LRBA: variants seen among roughly 807,000 people sequenced by gnomAD.
LRBA encodes LPS responsive beige-like anchor protein, also known as lipopolysaccharide-responsive and beige-like anchor protein.
A neutral mutation model predicts 330.0 loss-of-function variants in LRBA; 176 were observed. The observed-to-expected ratio is 0.53, with a 90% CI of 0.47 to 0.60. The LOEUF is 0.60. Ranked by LOEUF, LRBA falls within the 20% of genes least tolerant of loss-of-function variation. LRBA has a pLI of 0.00. For synonymous variants in LRBA, 1,230 were observed against 1,193.0 expected, an observed-to-expected ratio of 1.03 and a Z score of -0.64; for missense variants, 3,259 against 3,444.8, an observed-to-expected ratio of 0.95 and a Z score of 1.35.
intron 44 of LRBA, among the ~76,000 whole-genome samples, chr4:150,437,506 T>A (rs1357069524): frequency 7.4e-6 from 1 of 135,054 alleles, no homozygotes; most frequent in Non-Finnish European, 1.7e-5. Context: ...TCTCTCTCTC[T>A]CTATATATAT....
Position 150,792,516 on chromosome 4 carries a change from T to C in LRBA, c.5580+5565A>G, listed in dbSNP as rs577228652. 5.3e-5 allele frequency among the ~76,000 whole-genome samples: 8 copies of C among 152,262 alleles called. No individual in the cohort carries two copies. In the East Asian group the frequency reaches 1.2e-3, roughly 22 times the overall value. On this transcript the variant is annotated intron_variant, in intron 34 of 56. Transcript: ENST00000651943. Reference sequence around the variant, plus strand: ...ATAAAGTTGACGTTTTTTATTTATTTATTTATTTTTGAGACAGGGTCTTCC... The same window carrying C: ...ATAAAGTTGACGTTTTTTATTTATTCATTTATTTTTGAGACAGGGTCTTCC...
chr4:150,276,063 T>A (rs1055550058), intron 56 of LRBA, among the ~76,000 whole-genome samples: 2 of 152,202 alleles, frequency 1.3e-5, no homozygotes, highest in African/African-American at 4.8e-5. Flanking sequence ...CAAAACAGCA[T>A]GGTACTGGTA....
intron 33 of LRBA, among the ~76,000 whole-genome samples, chr4:150,802,238 C>A (rs1390616428): frequency 7.0e-5 from 10 of 142,504 alleles, no homozygotes; most frequent in South Asian, 4.4e-4. Flanking sequence ...AAAAAAAAAA[C>A]CACAGTGCAA....
intron 2 of LRBA, among the ~76,000 whole-genome samples, chr4:150,995,294 TATTCAC>T (rs1413150315): frequency 6.6e-6 from 1 of 151,774 alleles, no homozygotes; most frequent in East Asian, 1.9e-4. Context: ...CCTTCAGTGA[TATTCAC>T]AAATAAAAAT....
At chr4:150,277,756 C>T (rs1746982498) in intron 56 of LRBA, 97 bp downstream of exon 56, 3 of 1,212,684 alleles carry the variant, frequency 2.5e-6, no homozygotes, top group Non-Finnish European at 2.4e-6. Context: ...CCTGCCTCAG[C>T]CTCCCAAAGT....
chr4:150,450,721 A>G (rs1296510364), intron 44 of LRBA, among the ~76,000 whole-genome samples: 1 of 152,182 alleles, frequency 6.6e-6, no homozygotes, highest in Non-Finnish European at 1.5e-5. Context: ...AATAAACTTG[A>G]AAACACGTAA....
chr4:150,321,891 A>G lies in LRBA; in HGVS notation c.7453-523T>C, dbSNP rs901974519. Among the ~76,000 whole-genome samples the G allele has an allele frequency of 8.5e-5, 13 of 152,362 alleles. No homozygotes were observed. The highest frequency in any genetic ancestry group is 2.6e-4 in the African/African-American group (11 of 41,596). On this transcript the variant is annotated intron_variant, in intron 49 of 56. Coordinates refer to ENST00000651943, the MANE Select transcript of LRBA (RefSeq NM_001364905.1). This position sits in a 1 kb window ranked among gnomAD's most constrained non-coding sequence, Gnocchi z 4.5. ...CTACAAAGAGGTAATGAAAACAAAT[A>G]CATTTATAAACAATAGTTAGACTGC...
chr4:150,351,097 T>C (rs1319859780), intron 47 of LRBA, among the ~76,000 whole-genome samples: 1 of 152,112 alleles, frequency 6.6e-6, no homozygotes, highest in East Asian at 1.9e-4. Flanking sequence ...CACAATCAAG[T>C]ATTTGGTTGA....
chr4:150,866,279 C>T (rs1393783217), intron 22 of LRBA, among the ~76,000 whole-genome samples: 1 of 152,046 alleles, frequency 6.6e-6, no homozygotes, highest in African/African-American at 2.4e-5. Context: ...GTAAATTTTC[C>T]TCAGAAGGTA....
At chr4:150,293,689 C>A (rs1176477449) in intron 53 of LRBA, among the ~76,000 whole-genome samples, 1 of 152,170 alleles carries the variant, frequency 6.6e-6, no homozygotes, top group Non-Finnish European at 1.5e-5. Context: ...ATGTTGGTAA[C>A]ACGGGAATCA....
chr4:150,619,391 T>C (rs1237613179), intron 37 of LRBA, among the ~76,000 whole-genome samples: 2 of 152,166 alleles, frequency 1.3e-5, no homozygotes, highest in Non-Finnish European at 2.9e-5. Flanking sequence ...TTATCAAGTA[T>C]TGCAAAGCTT....
At chr4:151,008,869 A>T (rs1744434947) in intron 2 of LRBA, among the ~76,000 whole-genome samples, 1 of 148,686 alleles carries the variant, frequency 6.7e-6, no homozygotes, top group Non-Finnish European at 1.5e-5. Flanking sequence ...GTTACTCAGG[A>T]GGCTGAGATA....
intron 36 of LRBA, among the ~76,000 whole-genome samples, chr4:150,731,903 C>T (rs1359572051): frequency 6.6e-6 from 1 of 152,092 alleles, no homozygotes; most frequent in Non-Finnish European, 1.5e-5. Context: ...CCCAATATTC[C>T]ATGATGTGAT....
At chr4:150,867,646 A>G in intron 22 of LRBA, 25 bp downstream of exon 22, 3 of 1,568,800 alleles carry the variant, frequency 1.9e-6, no homozygotes, top group Non-Finnish European at 2.6e-6. Flanking sequence ...AAAATGCTAC[A>G]ATACGCTTTC....
chr4:150,745,796 C>T (rs550068462), intron 35 of LRBA, among the ~76,000 whole-genome samples: 1 of 151,706 alleles, frequency 6.6e-6, no homozygotes, highest in Non-Finnish European at 1.5e-5. Flanking sequence ...TTACAGGCGT[C>T]AGCCACTGCG....
In LRBA at chr4:150,852,945, T is replaced by A. The variant is rs1350061017; in HGVS notation, c.2767-2A>T. 15 of 1,542,512 alleles carry A rather than the reference T, an allele frequency of 9.7e-6. No individual in the cohort carries two copies. Among genetic ancestry groups the A allele is most frequent in the African/African-American group, 1.4e-5 (1 of 72,394 alleles). On this transcript the variant is annotated splice_acceptor_variant, in intron 22 of 56. Coordinates refer to ENST00000651943, the MANE Select transcript of LRBA (RefSeq NM_001364905.1). LOFTEE classifies it high-confidence loss of function. ...TTCTTTGTGTATTTCAAAAGTGACC[T>A]AGGTGAAAAATGTACAATCAGTTAA...
intron 36 of LRBA, among the ~76,000 whole-genome samples, chr4:150,716,941 C>A (rs1234022852): frequency 6.6e-6 from 1 of 152,290 alleles, no homozygotes; most frequent in Non-Finnish European, 1.5e-5. Flanking sequence ...AAAGCTAAAT[C>A]ACATTCTCTC....
intron 42 of LRBA, among the ~76,000 whole-genome samples, chr4:150,472,410 C>T (rs749819948): frequency 2.0e-5 from 3 of 151,862 alleles, no homozygotes; most frequent in Non-Finnish European, 4.4e-5. Context: ...CTTTCTACCA[C>T]AAAAAACAAG....
At chr4:150,421,673 A>G (rs186154397) in intron 46 of LRBA, among the ~76,000 whole-genome samples, 37 of 152,210 alleles carry the variant, frequency 2.4e-4, no homozygotes, top group African/African-American at 8.7e-4. Context: ...GAATTGTTCA[A>G]CATATCAACA....
Sources: gnomAD v4.1 joint callset for allele counts (sites outside exome capture counted in the v4.1 genomes callset) on GRCh38, gnomAD v4.1.1 for gene constraint, Gnocchi (gnomAD v3.1) non-coding constraint, MANE v1.5 for transcripts, NCBI Gene and HGNC (gene_info 2026-07-23, HGNC 2026-07-21) for gene names.